The following CD46 variants were observed in gnomAD, a reference collection of about 807,000 sequenced individuals.
CD46 encodes CD46 molecule.
A neutral mutation model predicts 53.3 loss-of-function variants in CD46; 30 were observed. That is an observed-to-expected ratio of 0.56 (90% CI 0.42 to 0.76). The LOEUF (loss-of-function observed/expected upper bound fraction) is 0.76. CD46 is among the 30% of genes least tolerant of loss of function. CD46 has a pLI of 0.00. For synonymous variants in CD46, 142 were observed against 152.0 expected, an observed-to-expected ratio of 0.93 and a Z score of 0.48; for missense variants, 409 against 463.0, an observed-to-expected ratio of 0.88 and a Z score of 1.07.
At chr1:207,767,505 G>A (rs556626657) in intron 6 of CD46, 325 of 994,738 alleles carry the variant, frequency 3.3e-4, no homozygotes, top group African/African-American at 2.9e-3. Flanking sequence ...TGAAACATGG[G>A]CATTTTTATC....
intron 9 of CD46, among the ~76,000 whole-genome samples, chr1:207,784,135 A>T (rs1462349183): frequency 2.0e-5 from 3 of 152,096 alleles, no homozygotes; most frequent in African/African-American, 7.2e-5. Flanking sequence ...GGTATTTAGG[A>T]CTATGTCTTA....
In CD46 at chr1:207,759,738, T is replaced by G; in HGVS notation, c.475+14T>G. 6.5e-7 allele frequency: 1 copy of G among 1,547,014 alleles called. No homozygotes were observed. The highest frequency in any genetic ancestry group is 8.9e-7 in the Non-Finnish European group (1 of 1,120,508). ...CAATATGTGAAAGTAAGTAAATTCT[T>G]TTTTTTTAAATTTAGACCAGTAGTC... On this transcript the variant is annotated intron_variant, in intron 4 of 12. Coordinates refer to ENST00000367042, the MANE Select transcript of CD46 (RefSeq NM_172351.3).
At chr1:207,789,987 G>A (rs1323932877) in intron 11 of CD46, among the ~76,000 whole-genome samples, 2 of 151,430 alleles carry the variant, frequency 1.3e-5, no homozygotes, top group Non-Finnish European at 2.9e-5. Flanking sequence ...ATGCAAAATG[G>A]CTTCAAAGAT....
intron 8 of CD46, among the ~76,000 whole-genome samples, chr1:207,773,636 CTTCAT>C (rs1226000226): frequency 4.6e-5 from 7 of 152,122 alleles, no homozygotes; most frequent in East Asian, 1.9e-4. Flanking sequence ...TTATTTCAGT[CTTCAT>C]TTCATTATTT....
At chr1:207,766,607 G>T (rs1656876228) in intron 5 of CD46, among the ~76,000 whole-genome samples, 1 of 152,028 alleles carries the variant, frequency 6.6e-6, no homozygotes, top group Non-Finnish European at 1.5e-5. Flanking sequence ...ACCTTCAGCA[G>T]GATGAATAAA....
chr1:207,765,612 A>T (rs1020077387), intron 5 of CD46, among the ~76,000 whole-genome samples: 5 of 152,202 alleles, frequency 3.3e-5, no homozygotes, highest in African/African-American at 1.2e-4. Context: ...TCACAATGAG[A>T]TGCCACTAAA....
At chr1:207,763,495 C>T (rs1656471927) in intron 5 of CD46, among the ~76,000 whole-genome samples, 1 of 152,210 alleles carries the variant, frequency 6.6e-6, no homozygotes, top group Admixed American at 6.5e-5. Context: ...CTTGACATCC[C>T]CACAGCCCTG....
At chr1:207,775,167 G>T (rs1427163714) in intron 8 of CD46, among the ~76,000 whole-genome samples, 1 of 151,900 alleles carries the variant, frequency 6.6e-6, no homozygotes, top group Admixed American at 6.6e-5. Flanking sequence ...CCACTTGATC[G>T]AATCAGCTAT....
chr1:207,786,318 C>G (rs149808771), intron 11 of CD46, among the ~76,000 whole-genome samples: 13 of 152,194 alleles, frequency 8.5e-5, no homozygotes, highest in African/African-American at 3.1e-4. Flanking sequence ...GGGGTTAGAT[C>G]TATAAGGTAC....
chr1:207,784,022 G>T (rs912404366), intron 9 of CD46, among the ~76,000 whole-genome samples: 3 of 152,110 alleles, frequency 2.0e-5, no homozygotes, highest in African/African-American at 7.2e-5. Context: ...GATTTTATAG[G>T]ATTATTTTGT....
rs1055303508 is a variant in CD46, at chr1:207,767,948, G to A, written c.901+125G>A. On this transcript the variant is annotated intron_variant, in intron 7 of 12. Transcript: ENST00000367042. ...AGTAATGAAAGGAGGGAGGACATTTGTATAGCCATTTTAGTTGTTATACAT... is the reference window on the plus strand; with the variant it reads ...AGTAATGAAAGGAGGGAGGACATTTATATAGCCATTTTAGTTGTTATACAT... 12 of 781,516 alleles carry A rather than the reference G, an allele frequency of 1.5e-5. No homozygotes were observed. The Admixed American group carries it at 2.4e-4, about 16-fold the overall frequency. 48.4% of individuals were successfully genotyped at this position (781,516 alleles called of 1,614,324 possible).
At position 207,752,294 on chromosome 1, in the gene CD46, CT is replaced by C. The variant is rs1655006399; in HGVS notation, c.83del (p.Leu28ArgfsTer33). On this transcript the variant is annotated frameshift_variant, in exon 1 of 13. Coordinates refer to ENST00000367042, the MANE Select transcript of CD46 (RefSeq NM_172351.3). LOFTEE classifies it high-confidence loss of function. This position sits in a 1 kb window ranked among gnomAD's most constrained non-coding sequence, Gnocchi z 4.1. ...GLLLAAMVLL[L>X]YSFSDACEEP... is the part of the protein sequence containing the mutation. ...GCTTCTGGCGGCCATGGTGTTGCTG[CT>C]GTACTCCTTCTCCGGTAGGACCCCG... is the stretch of plus-strand genomic sequence containing the variant. The C allele has an allele frequency of 6.2e-7, 1 of 1,613,970 alleles. No homozygotes were observed. Among genetic ancestry groups the C allele is most frequent in the Non-Finnish European group, 8.5e-7 (1 of 1,179,974 alleles).
At chr1:207,754,744 T>C (rs1314145767) in intron 1 of CD46, among the ~76,000 whole-genome samples, 2 of 152,088 alleles carry the variant, frequency 1.3e-5, no homozygotes, top group East Asian at 1.9e-4. Context: ...ATTTGTTGAC[T>C]CTGCAGGGCT....
intron 7 of CD46, chr1:207,769,953 A>AC (rs111365004): frequency 7.9e-4 from 168 of 213,482 alleles, no homozygotes; most frequent in African/African-American, 3.4e-3. Flanking sequence ...TTTAGTAGAG[A>AC]CGGGGTTTCT....
chr1:207,792,569 G>A lies in CD46; in HGVS notation c.*42-950G>A, dbSNP rs1659901038. On this transcript the variant is annotated intron_variant, in intron 12 of 12. Transcript: ENST00000367042. ...TTAGCGTTCCAGTAATGGAACACTA[G>A]GCATAAATGGGTTATTAAAGTATCC... Among the ~76,000 whole-genome samples the A allele has an allele frequency of 2.6e-5, 4 of 152,322 alleles. 1 individual carries two copies. The highest frequency in any genetic ancestry group is 6.8e-3 in the Middle Eastern group (2 of 294).
intron 8 of CD46, among the ~76,000 whole-genome samples, chr1:207,771,709 A>T (rs1346491242): frequency 4.6e-5 from 7 of 152,138 alleles, no homozygotes; most frequent in Non-Finnish European, 1.0e-4. Flanking sequence ...ATGGTTGTAG[A>T]TGTGAGTTGT....
chr1:207,760,389 ATATTCT>A (rs1478382635), intron 4 of CD46: 5 of 152,218 alleles, frequency 3.3e-5, no homozygotes, highest in Non-Finnish European at 7.3e-5. Context: ...AAATATCACT[ATATTCT>A]TATTAGGATC....
intron 9 of CD46, 52 bp downstream of exon 9, chr1:207,783,382 T>C: frequency 7.1e-6 from 8 of 1,128,244 alleles, no homozygotes; most frequent in Non-Finnish European, 9.4e-6. Context: ...TAGAAACGTG[T>C]AGGTAATTAG....
intron 11 of CD46, among the ~76,000 whole-genome samples, chr1:207,788,084 A>G (rs1659434924): frequency 6.6e-6 from 1 of 152,176 alleles, no homozygotes; most frequent in African/African-American, 2.4e-5. Flanking sequence ...AAGAAACACT[A>G]TGAAGCTTAT....
Sources: allele counts gnomAD v4.1 joint callset (sites outside exome capture counted in the v4.1 genomes callset), GRCh38; gene constraint gnomAD v4.1.1; non-coding constraint Gnocchi (gnomAD v3.1); transcripts MANE v1.5; gene names NCBI Gene and HGNC (gene_info 2026-07-23, HGNC 2026-07-21).